Variants in CPNE2 observed in about 807,000 individuals in gnomAD.
CPNE2 encodes the protein copine 2.
In CPNE2, 42 loss-of-function variants were observed where a neutral mutation model predicts 69.7. The observed-to-expected ratio is 0.60, with a 90% confidence interval of 0.47 to 0.78. The LOEUF is 0.78. Ranked by LOEUF, CPNE2 falls within the 30% of genes least tolerant of loss-of-function variation. The pLI is 0.00. For synonymous variants in CPNE2, 294 were observed against 289.8 expected, an observed-to-expected ratio of 1.01 and a Z score of -0.15; for missense variants, 587 against 732.0, an observed-to-expected ratio of 0.80 and a Z score of 2.29.
At chr16:57,117,396 C>G (rs1267899943) in intron 4 of CPNE2, 100 bp from the exon 5 acceptor site, 5 of 1,207,444 alleles carry the variant, frequency 4.1e-6, no homozygotes, top group Non-Finnish European at 5.9e-6. Flanking sequence ...TTCCCTTCCC[C>G]CTCCTAGCCC....
At chr16:57,097,416 A>T (rs76769468) in intron 1 of CPNE2, among the ~76,000 whole-genome samples, 3,618 of 152,250 alleles carry the variant, frequency 0.024, 132 homozygotes, top group African/African-American at 0.083. Flanking sequence ...ATGGTGAGGG[A>T]AGCTCTCCTG....
intron 1 of CPNE2, among the ~76,000 whole-genome samples, chr16:57,102,203 G>A (rs1291078268): frequency 6.6e-6 from 1 of 152,224 alleles, no homozygotes; most frequent in East Asian, 1.9e-4. Context: ...ACCTGCCTCG[G>A]CCTCCCAAAG....
At chr16:57,096,115 T>C (rs759243755) in intron 1 of CPNE2, among the ~76,000 whole-genome samples, 5 of 152,166 alleles carry the variant, frequency 3.3e-5, no homozygotes, top group Non-Finnish European at 7.3e-5. Flanking sequence ...GTTAAATGAG[T>C]CTGTGATGTT....
intron 5 of CPNE2, among the ~76,000 whole-genome samples, chr16:57,118,356 G>A (rs1275175005): frequency 8.6e-6 from 1 of 116,150 alleles, no homozygotes; most frequent in Non-Finnish European, 1.9e-5. Context: ...TGTACTTTTA[G>A]TAGAGACGGG....
chr16:57,104,818 T>A (rs1263895215), intron 1 of CPNE2, among the ~76,000 whole-genome samples: 1 of 152,058 alleles, frequency 6.6e-6, no homozygotes, highest in African/African-American at 2.4e-5. Context: ...ACCTTTCCTG[T>A]GAAGAAAGGC....
chr16:57,119,261 C>A lies in CPNE2; in HGVS notation c.574C>A (p.Leu192Met). The change falls in exon 6 of 16, where the codon CTG (leucine) becomes ATG (methionine). Residue 192 changes from leucine (L) to methionine (M), a missense_variant. Transcript: ENST00000290776. Reference sequence around the variant, plus strand: ...GCCAGGAGACGATGGCAAGTGGATGCTGGTCCACAGGACTGAGGTGGGTAC... The same window carrying A: ...GCCAGGAGACGATGGCAAGTGGATGATGGTCCACAGGACTGAGGTGGGTAC... The part of the protein sequence containing the change: ...YKPGDDGKWM[L>M]VHRTEVIKYT... 6.2e-7 allele frequency: 1 copy of A among 1,614,078 alleles called. No homozygotes were observed. Among genetic ancestry groups the A allele is most frequent in the Non-Finnish European group, 8.5e-7 (1 of 1,179,984 alleles).
At position 57,146,064 on chromosome 16, in the gene CPNE2, C is replaced by T. The variant is rs1349416528; in HGVS notation, c.1303-21C>T. On this transcript the variant is annotated intron_variant, in intron 14 of 15. Coordinates refer to ENST00000290776, the MANE Select transcript of CPNE2 (RefSeq NM_152727.6). The surrounding 1 kb of genome is among the most constrained non-coding windows in gnomAD (Gnocchi z 4.4). ...CAGAGCCTCGACCTTGCTGAGTGCC[C>T]CGTTGGCCCCCTCCCTGCAGCAGTA... 1.3e-6 allele frequency: 2 copies of T among 1,592,120 alleles called. No homozygotes were observed. Among genetic ancestry groups the T allele is most frequent in the South Asian group, 2.3e-5 (2 of 88,266 alleles).
chr16:57,093,108 GAGGGCGTA>G (rs2069554771), intron 1 of CPNE2, among the ~76,000 whole-genome samples: 10 of 152,088 alleles, frequency 6.6e-5, no homozygotes, highest in Non-Finnish European at 1.5e-4. Flanking sequence ...GAGGGGCTTG[GAGGGCGTA>G]CGGGAGGTGG....
At chr16:57,108,938 C>G (rs2069663552) in intron 1 of CPNE2, among the ~76,000 whole-genome samples, 2 of 152,206 alleles carry the variant, frequency 1.3e-5, no homozygotes, top group Admixed American at 6.5e-5. Flanking sequence ...TTTGTCCATT[C>G]ATTCATTTAT....
chr16:57,121,303 C>T, intron 8 of CPNE2, 112 bp downstream of exon 8: 2 of 840,304 alleles, frequency 2.4e-6, no homozygotes, highest in East Asian at 5.3e-5. Context: ...GGCTGCATGA[C>T]CTTGAGCAAG....
At position 57,139,497 on chromosome 16, in the gene CPNE2, C is replaced by T. The variant is rs147184137; in HGVS notation, c.1302+2215C>T. Among the ~76,000 whole-genome samples the T allele has an allele frequency of 3.5e-3, 531 of 152,240 alleles. 3 individuals carry two copies. The highest frequency in any genetic ancestry group is 0.012 in the African/African-American group (486 of 41,540). ...GTTAGTCCTGCAAAGACATACTGGA[C>T]CCCAGGCAAGAAGAGGGTCTTTTTG... is the stretch of plus-strand genomic sequence containing the variant. On this transcript the variant is annotated intron_variant, in intron 14 of 15. Coordinates refer to ENST00000290776, the MANE Select transcript of CPNE2 (RefSeq NM_152727.6).
At chr16:57,123,496 C>T (rs772855726) in intron 10 of CPNE2, 23 bp downstream of exon 10, 23 of 1,611,156 alleles carry the variant, frequency 1.4e-5, no homozygotes, top group Non-Finnish European at 2.0e-5. Flanking sequence ...CCGCTGGCTC[C>T]CTCTGCACCC....
intron 5 of CPNE2, among the ~76,000 whole-genome samples, 179 bp downstream of exon 5, chr16:57,117,746 G>A (rs1484860933): frequency 6.6e-6 from 1 of 152,180 alleles, no homozygotes; most frequent in African/African-American, 2.4e-5. Context: ...GGTAGTGAGT[G>A]TTCCATCCCT....
At chr16:57,147,479 G>A in intron 15 of CPNE2, 72 bp from the exon 16 acceptor site, 3 of 1,160,162 alleles carry the variant, frequency 2.6e-6, no homozygotes, top group Middle Eastern at 2.1e-4. Context: ...TCTGGGCATA[G>A]TGCCGCTCAC....
chr16:57,115,643 G>A (rs2069713835), intron 4 of CPNE2, 93 bp downstream of exon 4: 3 of 828,796 alleles, frequency 3.6e-6, no homozygotes, highest in Non-Finnish European at 5.4e-6. Flanking sequence ...ATAATCACCA[G>A]CTTTGTTTGG....
rs953708038 is a variant in CPNE2 at position 57,114,521 on chromosome 16, A to G, written c.361-955A>G. On this transcript the variant is annotated intron_variant, in intron 3 of 15. Coordinates refer to ENST00000290776, the MANE Select transcript of CPNE2 (RefSeq NM_152727.6). ...GCTGAACCTCTGAAAGCCAGAGGGC[A>G]AAAGAGCCAGGTGGCACAGTCCCCA... is the stretch of plus-strand genomic sequence containing the variant. Among the ~76,000 whole-genome samples, 64 of 152,194 alleles carry G rather than the reference A, an allele frequency of 4.2e-4. 1 individual carries two copies. Among genetic ancestry groups the G allele is most frequent in the Non-Finnish European group, 2.1e-4 (14 of 68,026 alleles).
chr16:57,127,425 A>G (rs1341228386), intron 11 of CPNE2, among the ~76,000 whole-genome samples: 1 of 152,164 alleles, frequency 6.6e-6, no homozygotes, highest in East Asian at 1.9e-4. Flanking sequence ...ACTGGATGAC[A>G]CAGGACCTTG....
chr16:57,121,911 AC>A, intron 9 of CPNE2, 151 bp downstream of exon 9: 1 of 669,388 alleles, frequency 1.5e-6, no homozygotes, highest in Non-Finnish European at 2.6e-6. Flanking sequence ...GCTTCACCTC[AC>A]CAGGCCTCAG....
At chr16:57,131,145 C>A (rs984438994) in intron 12 of CPNE2, among the ~76,000 whole-genome samples, 13 of 152,324 alleles carry the variant, frequency 8.5e-5, no homozygotes, top group African/African-American at 3.1e-4. Flanking sequence ...ACCAACTGGG[C>A]AGTTGGACTC....
Sources: gnomAD v4.1 joint callset for allele counts (sites outside exome capture counted in the v4.1 genomes callset) on GRCh38, gnomAD v4.1.1 for gene constraint, Gnocchi (gnomAD v3.1) non-coding constraint, MANE v1.5 for transcripts, NCBI Gene and HGNC (gene_info 2026-07-23, HGNC 2026-07-21) for gene names.